ARHGAP8: variants seen among roughly 807,000 people sequenced by gnomAD.
ARHGAP8 encodes Rho GTPase activating protein 8.
Under a neutral mutation model 46.1 loss-of-function variants are expected in ARHGAP8, and 62 were observed. The ratio of observed to expected loss-of-function variants is 1.34; its 90% CI spans 1.10 to 1.66. The LOEUF is 1.66. Among genes scored for constraint, ARHGAP8 ranks in the 40% most tolerant of loss-of-function variants. The pLI, the probability that ARHGAP8 is intolerant of heterozygous loss-of-function variation, is 0.00. For missense variants in ARHGAP8, 923 were observed against 568.4 expected (o/e 1.62, Z -6.34); for synonymous variants, 375 against 243.1 (o/e 1.54, Z -5.05).
chr22:44,808,597 C>T, intron 4 of ARHGAP8, 159 bp downstream of exon 4: 1 of 1,337,684 alleles, frequency 7.5e-7, no homozygotes, highest in Non-Finnish European at 1.0e-6. Context: ...GTTCACCTCC[C>T]CTCTGGGCCA....
chr22:44,785,075 G>A (rs2147044011), intron 1 of ARHGAP8, among the ~76,000 whole-genome samples: 1 of 152,296 alleles, frequency 6.6e-6, no homozygotes, highest in East Asian at 1.9e-4. Context: ...GCAGCTTCCA[G>A]CCCATGTGAG....
At position 44,806,953 on chromosome 22, in the gene ARHGAP8, G is replaced by A. The variant is rs551879271; in HGVS notation, c.168-1354G>A. On this transcript the variant is annotated intron_variant, in intron 3 of 11. Coordinates refer to ENST00000356099, the MANE Select transcript of ARHGAP8 (RefSeq NM_181335.3). ...CACTCCAGCCTGGGTGACAGACTCTGTCTCAAAAAAAAAAAAAAAAGAAAT... is the reference window on the plus strand; with the variant it reads ...CACTCCAGCCTGGGTGACAGACTCTATCTCAAAAAAAAAAAAAAAAGAAAT... Among the ~76,000 whole-genome samples, 115 of 128,120 alleles carry A rather than the reference G, an allele frequency of 9.0e-4. 4 individuals are homozygous for A. The highest frequency in any genetic ancestry group is 4.3e-3 in the Middle Eastern group (1 of 230). The allele number at this position is 128,120 out of a possible 152,430, so 84.1% of individuals were successfully genotyped here. A position where few individuals can be genotyped will look rare whatever the true frequency, so the allele number is the denominator to read the frequency against.
chr22:44,760,208 G>A (rs1235161538), intron 1 of ARHGAP8, among the ~76,000 whole-genome samples: 1 of 152,196 alleles, frequency 6.6e-6, no homozygotes, highest in Admixed American at 6.5e-5. Context: ...TGGTGGTTGT[G>A]ATGAAGACTG....
intron 7 of ARHGAP8, 105 bp from the exon 8 acceptor site, chr22:44,845,164 G>T: frequency 1.4e-6 from 2 of 1,390,022 alleles, no homozygotes; most frequent in Non-Finnish European, 2.0e-6. Context: ...ACAGTGCCTG[G>T]GTCCTGTGTT....
intron 6 of ARHGAP8, among the ~76,000 whole-genome samples, chr22:44,824,487 G>A (rs540085497): frequency 6.6e-6 from 1 of 152,268 alleles, no homozygotes; most frequent in East Asian, 1.9e-4. Context: ...GCCAACTAAT[G>A]GTCATGTGCC....
rs140110945 is a variant in ARHGAP8, at chr22:44,844,983, T to C, written c.597-286T>C. ...CCTCTGGCAGGCTCCTACTCATCCC[T>C]CAAAACCCAGCTCTGAAGTTGCCCC... On this transcript the variant is annotated intron_variant, in intron 7 of 11. Coordinates refer to ENST00000356099, the MANE Select transcript of ARHGAP8 (RefSeq NM_181335.3). Among the ~76,000 whole-genome samples, 737 of 152,268 alleles carry C rather than the reference T, an allele frequency of 4.8e-3. 4 individuals are homozygous for C. The highest frequency in any genetic ancestry group is 0.017 in the African/African-American group (690 of 41,556).
chr22:44,795,468 A>G (rs1297030593), intron 2 of ARHGAP8, among the ~76,000 whole-genome samples: 142 of 151,494 alleles, frequency 9.4e-4, no homozygotes, highest in Non-Finnish European at 1.5e-5. Flanking sequence ...GCTTCACCCC[A>G]CACCCCCCTC....
intron 2 of ARHGAP8, among the ~76,000 whole-genome samples, chr22:44,799,551 G>A (rs553137291): frequency 2.6e-5 from 4 of 152,242 alleles, no homozygotes; most frequent in East Asian, 1.9e-4. Context: ...GCAGAGGTAG[G>A]GGCCTCGTGG....
intron 10 of ARHGAP8, among the ~76,000 whole-genome samples, chr22:44,852,170 C>T (rs576811968): frequency 0.012 from 1,340 of 112,912 alleles, 27 homozygotes; most frequent in African/African-American, 0.045. Context: ...CCAGCCTGGG[C>T]GACAGAGTGA....
chr22:44,822,376 A>G lies in ARHGAP8; in HGVS notation c.392A>G (p.Lys131Arg). Residue 131 changes from lysine to arginine, a missense_variant, in exon 6 of 12, where the codon AAG becomes AGG. Coordinates refer to ENST00000356099, the MANE Select transcript of ARHGAP8 (RefSeq NM_181335.3). Reference protein sequence around the residue: ...WNILKPLISHKFGKKVIYFNY... With the variant: ...WNILKPLISHRFGKKVIYFNY... Reference sequence around the variant, plus strand: ...TCTTGCTTCTGCTTTCTTAGTCACAAGTTTGGGAAGAAAGTCATCTATTTC... The same window carrying G: ...TCTTGCTTCTGCTTTCTTAGTCACAGGTTTGGGAAGAAAGTCATCTATTTC... 6.3e-7 allele frequency: 1 copy of G among 1,579,526 alleles called. No homozygotes were observed. Among genetic ancestry groups the G allele is most frequent in the Admixed American group, 1.9e-5 (1 of 52,508 alleles).
chr22:44,855,773 C>T (rs903295134), intron 10 of ARHGAP8, among the ~76,000 whole-genome samples: 1 of 152,164 alleles, frequency 6.6e-6, no homozygotes, highest in Non-Finnish European at 1.5e-5. Context: ...GAAAGACAAG[C>T]GCCCTCAGAG....
chr22:44,805,880 CTA>C (rs1169109078), intron 3 of ARHGAP8, among the ~76,000 whole-genome samples: 1 of 152,184 alleles, frequency 6.6e-6, no homozygotes, highest in Non-Finnish European at 1.5e-5. Context: ...AGAAACAAGT[CTA>C]TGTCTTTGAA....
intron 11 of ARHGAP8, among the ~76,000 whole-genome samples, chr22:44,860,423 CT>C (rs1157781395): frequency 2.0e-5 from 3 of 152,128 alleles, no homozygotes; most frequent in African/African-American, 2.4e-5. Context: ...CAGCTCCCCC[CT>C]GGCCTTTGTC....
chr22:44,757,805 A>ATTTTT (rs132444), intron 1 of ARHGAP8, among the ~76,000 whole-genome samples: 3 of 137,012 alleles, frequency 2.2e-5, no homozygotes, highest in Non-Finnish European at 3.1e-5. Context: ...TGCCTGGCTA[A>ATTTTT]TTTTTTTTTT....
At chr22:44,815,176 G>T (rs577200451) in intron 5 of ARHGAP8, among the ~76,000 whole-genome samples, 235 of 152,342 alleles carry the variant, frequency 1.5e-3, no homozygotes, top group Non-Finnish European at 2.4e-3. Flanking sequence ...AGGACCAAGT[G>T]CAAGTTCCCA....
chr22:44,851,745 T>A lies in ARHGAP8; in HGVS notation c.877+2685T>A, dbSNP rs1003015284. Among the ~76,000 whole-genome samples the A allele has an allele frequency of 2.0e-5, 3 of 151,290 alleles. No homozygotes were observed. In the East Asian group the frequency reaches 5.8e-4, roughly 29 times the overall value. Reference sequence around the variant, plus strand: ...GTCCCAGCTGCTCAGGAGGCTGAGGTGGGAGATCACCTGAGCCTGGGAGTT... The same window carrying A: ...GTCCCAGCTGCTCAGGAGGCTGAGGAGGGAGATCACCTGAGCCTGGGAGTT... On this transcript the variant is annotated intron_variant, in intron 10 of 11. Coordinates refer to ENST00000356099, the MANE Select transcript of ARHGAP8 (RefSeq NM_181335.3).
chr22:44,809,364 C>A, intron 4 of ARHGAP8: 1 of 365,028 alleles, frequency 2.7e-6, no homozygotes. Context: ...TAGGTTCATC[C>A]TGCCTGCCCA....
intron 7 of ARHGAP8, among the ~76,000 whole-genome samples, chr22:44,841,220 TA>T (rs549818364): frequency 9.5e-4 from 120 of 126,362 alleles, no homozygotes; most frequent in Admixed American, 1.6e-3. Context: ...AGAATCTGAG[TA>T]AAGTTTCCAT....
intron 7 of ARHGAP8, among the ~76,000 whole-genome samples, chr22:44,843,342 A>G (rs1931772176): frequency 6.6e-6 from 1 of 152,256 alleles, no homozygotes; most frequent in Admixed American, 6.5e-5. Flanking sequence ...GAACAAAGAA[A>G]TAGAATGCCA....
Sources: allele counts gnomAD v4.1 joint callset (sites outside exome capture counted in the v4.1 genomes callset), GRCh38; gene constraint gnomAD v4.1.1; transcripts MANE v1.5; gene names NCBI Gene and HGNC (gene_info 2026-07-23, HGNC 2026-07-21).